Variants in RBM19 observed in about 807,000 individuals in gnomAD.
RBM19 encodes RNA binding motif protein 19.
Under a neutral mutation model 116.8 loss-of-function variants are expected in RBM19, and 94 were observed. The observed-to-expected ratio is 0.80, with a 90% confidence interval of 0.68 to 0.95. RBM19 has a LOEUF of 0.95. RBM19 is among the 40% of genes least tolerant of loss of function. RBM19 has a pLI of 0.00. For synonymous variants in RBM19, 475 were observed against 494.1 expected (o/e 0.96, Z 0.51); for missense variants, 1,161 against 1,220.7 (o/e 0.95, Z 0.73).
At chr12:113,817,368 GATGA>G (rs35136498), downstream of RBM19, 2,917 of 152,304 alleles carry the variant, frequency 0.019, 28 homozygotes, top group Middle Eastern at 0.037. Context: ...GTGTCTGATG[GATGA>G]ATGAATGAAT....
At chr12:113,930,022 C>T (rs914347483) in intron 16 of RBM19, among the ~76,000 whole-genome samples, 1 of 152,244 alleles carries the variant, frequency 6.6e-6, no homozygotes, top group African/African-American at 2.4e-5. Context: ...CTAGCATGGC[C>T]AGAATTCAGA....
At chr12:113,946,309 A>C (rs766437333) in intron 12 of RBM19, 45 bp downstream of exon 12, 1 of 1,613,270 alleles carries the variant, frequency 6.2e-7, no homozygotes, top group Non-Finnish European at 8.5e-7. Context: ...TGAGGGTGGC[A>C]GAGGGTTGGG....
At position 113,946,382 on chromosome 12, in the gene RBM19, C is replaced by T. The variant is rs771781073; in HGVS notation, c.1501G>A (p.Glu501Lys). 7 of 1,614,040 alleles carry T rather than the reference C, an allele frequency of 4.3e-6. No homozygotes were observed. The highest frequency in any genetic ancestry group is 2.2e-5 in the South Asian group (2 of 91,056). ...GCACTGTTGGCTTTGTCCTGGGCCT[C>T]CTTCTTCTTCTTGTAGGACGACGAT... The part of the protein sequence containing the change: ...LGSSSYKKKK[E>K]AQDKANSASS... Residue 501 changes from glutamate to lysine, a missense_variant, in exon 12 of 24, where the codon GAG (glutamate) becomes AAG (lysine). Physicochemically the swap from Glu to Lys is moderately conservative, Grantham distance 56. Coordinates refer to ENST00000261741, the MANE Select transcript of RBM19 (RefSeq NM_016196.4).
At chr12:113,907,698 C>T (rs899656859) in intron 21 of RBM19, among the ~76,000 whole-genome samples, 5 of 152,284 alleles carry the variant, frequency 3.3e-5, no homozygotes, top group South Asian at 2.1e-4. Flanking sequence ...CCACAAACCC[C>T]GTTTTCTGAC....
At chr12:113,930,155 A>G (rs1424536127) in intron 16 of RBM19, among the ~76,000 whole-genome samples, 1 of 152,268 alleles carries the variant, frequency 6.6e-6, no homozygotes, top group African/African-American at 2.4e-5. Flanking sequence ...CAGCTCATTG[A>G]AACCTCAGTG....
intron 21 of RBM19, among the ~76,000 whole-genome samples, chr12:113,882,857 C>A (rs948980279): frequency 6.6e-6 from 1 of 152,222 alleles, no homozygotes; most frequent in African/African-American, 2.4e-5. Flanking sequence ...TCCAGAGATA[C>A]AAGAGTTCAA....
At chr12:113,826,894 T>C (rs373642364) in intron 23 of RBM19, among the ~76,000 whole-genome samples, 42 of 152,194 alleles carry the variant, frequency 2.8e-4, no homozygotes, top group African/African-American at 9.9e-4. Context: ...AACCAAAACA[T>C]CTCATTCCTT....
chr12:113,933,344 G>A (rs1346887653), intron 16 of RBM19, among the ~76,000 whole-genome samples: 4 of 150,776 alleles, frequency 2.7e-5, no homozygotes, highest in Admixed American at 2.0e-4. Flanking sequence ...ACAATGCAAA[G>A]AGGGTGGGGG....
intron 21 of RBM19, among the ~76,000 whole-genome samples, chr12:113,902,904 T>G (rs554992264): frequency 6.6e-6 from 1 of 152,224 alleles, no homozygotes; most frequent in Non-Finnish European, 1.5e-5. Flanking sequence ...TTTATTGAGA[T>G]ATAATTCACA....
intron 1 of RBM19, among the ~76,000 whole-genome samples, chr12:113,965,947 C>T (rs1162450309): frequency 6.6e-6 from 1 of 152,166 alleles, no homozygotes; most frequent in Non-Finnish European, 1.5e-5. Flanking sequence ...GTCATCTCCC[C>T]GAGAAGAGGT....
rs73207429 is a variant in RBM19, at chr12:113,860,597, C to A, written c.2559-1701G>T. 6.6e-3 allele frequency among the ~76,000 whole-genome samples: 1,010 copies of A among 152,324 alleles called. 4 individuals are homozygous for A. The highest frequency in any genetic ancestry group is 0.012 in the South Asian group (58 of 4,828). On this transcript the variant is annotated intron_variant, in intron 21 of 23. Transcript: ENST00000261741. ...CATGGAAGACCAGGCTGGGTGCTTTCTCAACACGGCCATAGACAGCCACTG... is the reference window on the plus strand; with the variant it reads ...CATGGAAGACCAGGCTGGGTGCTTTATCAACACGGCCATAGACAGCCACTG...
chr12:113,952,196 T>A (rs894885796), intron 8 of RBM19, among the ~76,000 whole-genome samples: 2 of 152,222 alleles, frequency 1.3e-5, no homozygotes, highest in East Asian at 3.9e-4. Context: ...CCTGTGGACT[T>A]GGCCTAGCAA....
chr12:113,948,908 A>ATTC lies in RBM19; in HGVS notation c.1198_1200dup (p.Glu400dup). ...AGGTTCCGTACAAAGAGCCTTCCGG[A>ATTC]TTCGGCCAGGTCCTCCTCCTCTTCG... is the stretch of plus-strand genomic sequence containing the variant. On this transcript the variant is annotated inframe_insertion, in exon 10 of 24. Transcript: ENST00000261741. 1 of 1,614,174 alleles carries ATTC rather than the reference A, an allele frequency of 6.2e-7. No individual in the cohort carries two copies. The highest frequency in any genetic ancestry group is 8.5e-7 in the Non-Finnish European group (1 of 1,180,026).
At chr12:113,844,235 T>C (rs192574734) in intron 23 of RBM19, among the ~76,000 whole-genome samples, 4 of 152,318 alleles carry the variant, frequency 2.6e-5, no homozygotes, top group Admixed American at 2.0e-4. Context: ...AGCAAGAGTG[T>C]GGTCCCCAGG....
chr12:113,953,972 G>A (rs1871689303), intron 7 of RBM19, among the ~76,000 whole-genome samples: 1 of 152,306 alleles, frequency 6.6e-6, no homozygotes, highest in South Asian at 2.1e-4. Flanking sequence ...TAATCCCAAG[G>A]AACTGAATTA....
rs147492288 is a variant in RBM19, at chr12:113,904,271, T to C, written c.2558+10698A>G. On this transcript the variant is annotated intron_variant, in intron 21 of 23. Transcript: ENST00000261741. ...CCTCAGGGGTGATGCTTGCTGAAGA[T>C]AGGCATGTTGTAAGGGCTCAGCAGA... Among the ~76,000 whole-genome samples the C allele has an allele frequency of 4.3e-3, 656 of 152,280 alleles. 5 individuals are homozygous for C. Among genetic ancestry groups the C allele is most frequent in the Middle Eastern group, 0.027 (8 of 294 alleles).
intron 22 of RBM19, among the ~76,000 whole-genome samples, chr12:113,858,086 A>T (rs557525816): frequency 6.6e-6 from 1 of 151,530 alleles, no homozygotes; most frequent in Non-Finnish European, 1.5e-5. Flanking sequence ...GCTCAATGCC[A>T]CGAGGGCAGT....
At chr12:113,847,795 C>T (rs529431224) in intron 22 of RBM19, among the ~76,000 whole-genome samples, 4 of 152,334 alleles carry the variant, frequency 2.6e-5, no homozygotes, top group African/African-American at 4.8e-5. Context: ...TCTCTATTCC[C>T]GTACCACAGA....
At chr12:113,826,154 C>G (rs963738685) in intron 23 of RBM19, among the ~76,000 whole-genome samples, 1 of 152,272 alleles carries the variant, frequency 6.6e-6, no homozygotes. Flanking sequence ...GTGAAGCTTC[C>G]CTCCTTATTT....
Sources: gnomAD v4.1 joint callset for allele counts (sites outside exome capture counted in the v4.1 genomes callset) on GRCh38, gnomAD v4.1.1 for gene constraint, MANE v1.5 for transcripts, NCBI Gene and HGNC (gene_info 2026-07-23, HGNC 2026-07-21) for gene names.